Variants in XKR6 observed in about 807,000 individuals in gnomAD.
The protein encoded by XKR6 is XK related 6.
A neutral mutation model predicts 56.7 loss-of-function variants in XKR6; 22 were observed. The observed-to-expected ratio is 0.39, with a 90% CI of 0.28 to 0.55. The LOEUF (loss-of-function observed/expected upper bound fraction) is 0.55, where lower values mean the gene tolerates loss of function less well. Among genes scored for constraint, XKR6 ranks in the 20% least tolerant of loss-of-function variants. The probability of loss-of-function intolerance (pLI) is 0.66; values close to 1 mark genes in which losing one functional copy is unlikely to be tolerated. For synonymous variants in XKR6, 524 were observed against 387.8 expected (o/e 1.35, Z -4.13); for missense variants, 852 against 889.0 (o/e 0.96, Z 0.53).
intron 1 of XKR6, among the ~76,000 whole-genome samples, chr8:11,143,284 G>T (rs1800796776): frequency 1.3e-5 from 2 of 152,192 alleles, no homozygotes. Flanking sequence ...GTAGTACTGT[G>T]CCTGTGAATA....
At chr8:11,150,321 T>A (rs548903712) in intron 1 of XKR6, among the ~76,000 whole-genome samples, 21 of 152,348 alleles carry the variant, frequency 1.4e-4, no homozygotes, top group Admixed American at 3.3e-4. Flanking sequence ...TCTATCCATG[T>A]AACAAAACAC....
chr8:11,171,282 GCA>G (rs142606929), intron 1 of XKR6, among the ~76,000 whole-genome samples: 6 of 152,104 alleles, frequency 3.9e-5, no homozygotes, highest in East Asian at 3.9e-4. Flanking sequence ...ATGTGCGACT[GCA>G]CACACACACA....
chr8:11,124,012 C>A (rs1286727808), intron 1 of XKR6: 1 of 456,168 alleles, frequency 2.2e-6, no homozygotes, highest in East Asian at 7.0e-5. Flanking sequence ...AGTCCTGTCT[C>A]TTCATCAAAT....
chr8:11,055,473 T>C (rs778222449), intron 1 of XKR6, among the ~76,000 whole-genome samples: 2 of 151,698 alleles, frequency 1.3e-5, no homozygotes, highest in Non-Finnish European at 2.9e-5. Flanking sequence ...GGTCAAGGGG[T>C]GTCTTTGAGG....
intron 1 of XKR6, among the ~76,000 whole-genome samples, chr8:11,198,779 G>A (rs1164304352): frequency 1.3e-5 from 2 of 151,924 alleles, no homozygotes; most frequent in Middle Eastern, 3.2e-3. Context: ...CCCACACTTC[G>A]GCTTGTTCAG....
At chr8:11,098,927 G>A (rs771385619) in intron 1 of XKR6, among the ~76,000 whole-genome samples, 1 of 152,134 alleles carries the variant, frequency 6.6e-6, no homozygotes, top group Non-Finnish European at 1.5e-5. Flanking sequence ...ATGATTATTA[G>A]GTTCTGAATT....
intron 1 of XKR6, among the ~76,000 whole-genome samples, chr8:10,978,260 T>G (rs1563324197): frequency 6.6e-6 from 1 of 152,236 alleles, no homozygotes; most frequent in Non-Finnish European, 1.5e-5. Context: ...TCAAGGATAG[T>G]TCATAACTAC....
chr8:11,166,138 G>T (rs1802058606), intron 1 of XKR6, among the ~76,000 whole-genome samples: 1 of 151,822 alleles, frequency 6.6e-6, no homozygotes, highest in Non-Finnish European at 1.5e-5. Context: ...TGTATTTTTT[G>T]CAGAGACGGG....
chr8:11,085,804 C>T (rs1318947854), intron 1 of XKR6, among the ~76,000 whole-genome samples: 1 of 152,158 alleles, frequency 6.6e-6, no homozygotes, highest in African/African-American at 2.4e-5. Context: ...CCTCCTCATA[C>T]CCCAGCTCGA....
chr8:11,197,512 T>C (rs958243597), intron 1 of XKR6, among the ~76,000 whole-genome samples: 6 of 152,222 alleles, frequency 3.9e-5, no homozygotes, highest in Non-Finnish European at 8.8e-5. Context: ...ATGTGACTCC[T>C]GCTCCTGGAA....
At chr8:11,008,781 T>C (rs575266094) in intron 1 of XKR6, among the ~76,000 whole-genome samples, 98 of 152,180 alleles carry the variant, frequency 6.4e-4, no homozygotes, top group African/African-American at 2.0e-3. Flanking sequence ...GGAGCCCTGA[T>C]GGAGCCACGG....
intron 1 of XKR6, among the ~76,000 whole-genome samples, chr8:10,950,046 C>T (rs1355767443): frequency 6.6e-6 from 1 of 152,176 alleles, no homozygotes; most frequent in African/African-American, 2.4e-5. Flanking sequence ...CCTTGCCCCT[C>T]CACCCTTCCT....
chr8:10,914,086 C>A (rs1294257690), intron 2 of XKR6, among the ~76,000 whole-genome samples: 3 of 152,174 alleles, frequency 2.0e-5, no homozygotes, highest in African/African-American at 7.2e-5. Context: ...TTCTGACCAA[C>A]CTAACACCTC....
intron 1 of XKR6, among the ~76,000 whole-genome samples, chr8:11,093,822 C>T (rs1012881633): frequency 2.6e-5 from 4 of 152,036 alleles, no homozygotes; most frequent in African/African-American, 9.7e-5. Flanking sequence ...CTCGCTCTGT[C>T]GCACAGGCTG....
chr8:11,028,211 C>T (rs1469993370), intron 1 of XKR6, among the ~76,000 whole-genome samples: 2 of 152,048 alleles, frequency 1.3e-5, no homozygotes, highest in Admixed American at 1.3e-4. Context: ...TGGAATCATA[C>T]ACCAAGTAGC....
rs957686315 is a variant in XKR6, at chr8:11,193,086, A to G, written c.764+7490T>C. Among the ~76,000 whole-genome samples the G allele has an allele frequency of 5.3e-5, 8 of 152,350 alleles. No homozygotes were observed. In the East Asian group the frequency reaches 7.7e-4, roughly 15 times the overall value. On this transcript the variant is annotated intron_variant, in intron 1 of 2. Transcript: ENST00000416569. The stretch of plus-strand genomic sequence containing the variant: ...AAAGCATGTGGCCAGGGCAAACCGT[A>G]ATTATCAACCCTACCTTTCCTCCAA...
At chr8:11,176,448 G>T (rs1244662228) in intron 1 of XKR6, among the ~76,000 whole-genome samples, 1 of 152,002 alleles carries the variant, frequency 6.6e-6, no homozygotes, top group Non-Finnish European at 1.5e-5. Context: ...CAATACTTGG[G>T]AAAAAATGGT....
chr8:11,074,464 A>T (rs1177062697), intron 1 of XKR6, among the ~76,000 whole-genome samples: 1 of 152,132 alleles, frequency 6.6e-6, no homozygotes, highest in African/African-American at 2.4e-5. Flanking sequence ...TCATTTATTC[A>T]ATCAATCATT....
intron 1 of XKR6, among the ~76,000 whole-genome samples, chr8:11,016,822 A>C (rs1308306159): frequency 6.6e-6 from 1 of 152,162 alleles, no homozygotes; most frequent in African/African-American, 2.4e-5. Context: ...AGCCGAGCCC[A>C]AAAGGCCTCT....
Sources: allele counts gnomAD v4.1 joint callset (sites outside exome capture counted in the v4.1 genomes callset), GRCh38; gene constraint gnomAD v4.1.1; transcripts MANE v1.5; gene names NCBI Gene and HGNC (gene_info 2026-07-23, HGNC 2026-07-21).